Variants in MKLN1 observed in about 807,000 individuals in gnomAD.
MKLN1 encodes muskelin 1.
In MKLN1, 18 loss-of-function variants were observed where a neutral mutation model predicts 99.0. The ratio of observed to expected loss-of-function variants is 0.18; its 90% CI spans 0.13 to 0.27. The LOEUF (loss-of-function observed/expected upper bound fraction) is 0.27, where lower values mean the gene tolerates loss of function less well. MKLN1 is among the 10% of genes least tolerant of loss of function. MKLN1 has a pLI of 1.00. For synonymous variants in MKLN1, 288 were observed against 293.2 expected (o/e 0.98, Z 0.18); for missense variants, 621 against 875.9 (o/e 0.71, Z 3.67).
At chr7:131,356,823 C>T (rs6963574) in intron 1 of MKLN1, among the ~76,000 whole-genome samples, 2,449 of 152,212 alleles carry the variant, frequency 0.016, 48 homozygotes, top group African/African-American at 0.053. Flanking sequence ...ACCCCGATTC[C>T]GTATGGGTCT....
Position 131,429,074 on chromosome 7 carries a change from C to T in MKLN1, c.889C>T (p.Leu297Phe). Residue 297 changes from leucine to phenylalanine, a missense_variant, in exon 9 of 18, where the codon CTT becomes TTT. This residue lies in a region of MKLN1 where 361 missense variants were observed against 540.8 expected (regional missense o/e 0.67). Coordinates refer to ENST00000352689, the MANE Select transcript of MKLN1 (RefSeq NM_013255.5). ...LFGGWDGTQD[L>F]ADFWAYSVKE... ...TGGTGGCTGGGATGGAACACAAGATCTTGCTGACTTCTGGGCGTACAGTGT... is the reference window on the plus strand; with the variant it reads ...TGGTGGCTGGGATGGAACACAAGATTTTGCTGACTTCTGGGCGTACAGTGT... The T allele has an allele frequency of 6.2e-7, 1 of 1,613,752 alleles. No homozygotes were observed. Among genetic ancestry groups the T allele is most frequent in the Non-Finnish European group, 8.5e-7 (1 of 1,179,906 alleles).
intron 3 of MKLN1, among the ~76,000 whole-genome samples, chr7:131,209,935 G>A (rs1045148784): frequency 1.1e-4 from 16 of 151,808 alleles, no homozygotes; most frequent in African/African-American, 3.4e-4. Flanking sequence ...CATGAGGTAC[G>A]ATAAAGTAGA....
intron 3 of MKLN1, among the ~76,000 whole-genome samples, chr7:131,229,367 C>A (rs1797207352): frequency 1.3e-5 from 2 of 151,764 alleles, no homozygotes; most frequent in South Asian, 4.2e-4. Context: ...CACCCCCACA[C>A]CCGATTGGTT....
At chr7:131,313,798 G>A (rs1483929384) in intron 3 of MKLN1, among the ~76,000 whole-genome samples, 1 of 152,224 alleles carries the variant, frequency 6.6e-6, no homozygotes, top group African/African-American at 2.4e-5. Flanking sequence ...CCATTAAGGA[G>A]CAGGGCCATC....
chr7:131,451,004 T>G (rs773618918), intron 12 of MKLN1, among the ~76,000 whole-genome samples: 2 of 152,222 alleles, frequency 1.3e-5, no homozygotes, highest in Non-Finnish European at 1.5e-5. Flanking sequence ...AATTAGACTG[T>G]TCAGAAAACC....
intron 1 of MKLN1, among the ~76,000 whole-genome samples, chr7:131,328,495 A>G (rs755052587): frequency 6.6e-6 from 1 of 152,256 alleles, no homozygotes; most frequent in East Asian, 1.9e-4. Context: ...GATTAGCTCT[A>G]GAGTAGTGTT....
chr7:131,476,390 C>T (rs979866619), intron 16 of MKLN1, among the ~76,000 whole-genome samples: 1 of 152,060 alleles, frequency 6.6e-6, no homozygotes, highest in African/African-American at 2.4e-5. Context: ...TATGTACATT[C>T]GAAACCCCAT....
chr7:131,381,026 T>A (rs1793831698), intron 2 of MKLN1, among the ~76,000 whole-genome samples: 1 of 152,248 alleles, frequency 6.6e-6, no homozygotes, highest in African/African-American at 2.4e-5. Context: ...TCTTGTCTTA[T>A]GTATGTTTCT....
chr7:131,215,832 C>T (rs1401951409), intron 3 of MKLN1, among the ~76,000 whole-genome samples: 1 of 152,104 alleles, frequency 6.6e-6, no homozygotes, highest in Non-Finnish European at 1.5e-5. Flanking sequence ...CCCATCATTC[C>T]TTCATGTAAA....
intron 3 of MKLN1, among the ~76,000 whole-genome samples, chr7:131,211,313 C>T (rs1796903206): frequency 6.6e-6 from 1 of 152,118 alleles, no homozygotes; most frequent in Non-Finnish European, 1.5e-5. Context: ...TTATTATATG[C>T]AGGATGGCTT....
intron 1 of MKLN1, among the ~76,000 whole-genome samples, chr7:131,329,060 A>G (rs1165837288): frequency 6.6e-6 from 1 of 152,224 alleles, no homozygotes; most frequent in Non-Finnish European, 1.5e-5. Flanking sequence ...AACGAAACAA[A>G]TTAATGAATA....
At chr7:131,435,877 C>T (rs546201288) in intron 9 of MKLN1, among the ~76,000 whole-genome samples, 1 of 151,794 alleles carries the variant, frequency 6.6e-6, no homozygotes, top group African/African-American at 2.4e-5. Context: ...GTTTTCTATT[C>T]TATTGATTTA....
chr7:131,424,081 A>G (rs548024814), intron 8 of MKLN1, among the ~76,000 whole-genome samples: 29 of 152,230 alleles, frequency 1.9e-4, no homozygotes, highest in Non-Finnish European at 4.0e-4. Context: ...AAAAAATTCA[A>G]AAATATTTCT....
At chr7:131,463,133 GAAAGA>G in intron 12 of MKLN1, 79 bp from the exon 13 acceptor site, 3 of 1,222,206 alleles carry the variant, frequency 2.5e-6, no homozygotes, top group Non-Finnish European at 3.5e-6. Flanking sequence ...TTTAAAAAAA[GAAAGA>G]AAAGAAAGGA....
chr7:131,132,703 C>T (rs1795569866), intron 1 of MKLN1, among the ~76,000 whole-genome samples: 1 of 152,034 alleles, frequency 6.6e-6, no homozygotes, highest in African/African-American at 2.4e-5. Flanking sequence ...GCCGGTGGAT[C>T]ACAAGGTCAG....
chr7:131,265,861 A>G (rs1797800102), intron 3 of MKLN1, among the ~76,000 whole-genome samples: 1 of 152,130 alleles, frequency 6.6e-6, no homozygotes, highest in Admixed American at 6.6e-5. Flanking sequence ...GTCATGCAGC[A>G]CCAACTCATT....
At chr7:131,196,042 C>A (rs928071340) in intron 2 of MKLN1, among the ~76,000 whole-genome samples, 1 of 152,088 alleles carries the variant, frequency 6.6e-6, no homozygotes, top group Admixed American at 6.5e-5. Context: ...AAATTTTCTA[C>A]AATGAATATG....
intron 2 of MKLN1, among the ~76,000 whole-genome samples, chr7:131,384,233 C>A (rs1272519342): frequency 2.5e-5 from 3 of 118,824 alleles, no homozygotes; most frequent in African/African-American, 9.5e-5. Context: ...CACCCCCACC[C>A]CTACCAAGAT....
chr7:131,300,188 A>G (rs1798355044), intron 3 of MKLN1, among the ~76,000 whole-genome samples: 1 of 152,082 alleles, frequency 6.6e-6, no homozygotes, highest in African/African-American at 2.4e-5. Context: ...AATAAGACAC[A>G]GAAGGAATAG....
Sources: allele counts gnomAD v4.1 joint callset (sites outside exome capture counted in the v4.1 genomes callset), GRCh38; gene constraint gnomAD v4.1.1; regional missense constraint gnomAD v4.1.1; transcripts MANE v1.5; gene names NCBI Gene and HGNC (gene_info 2026-07-23, HGNC 2026-07-21).